RNF34: variants seen among roughly 807,000 people sequenced by gnomAD.
RNF34 encodes the protein ring finger protein 34.
A neutral mutation model predicts 37.9 loss-of-function variants in RNF34; 12 were observed. The ratio of observed to expected loss-of-function variants is 0.32; its 90% CI spans 0.20 to 0.51. The LOEUF is 0.51. Among genes scored for constraint, RNF34 ranks in the 20% least tolerant of loss-of-function variants. RNF34 has a pLI of 0.97. For missense variants in RNF34, 362 were observed against 472.7 expected (o/e 0.77, Z 2.17); for synonymous variants, 155 against 177.2 (o/e 0.87, Z 1.00).
In RNF34 at chr12:121,420,782, G is replaced by A. The variant is rs1555283235; in HGVS notation, c.928+4G>A. ...AATGAAGAAAACCAAAAGTCCTGTAGGTTTATCTTTTCATTTTTTCCCTGT... is the reference window on the plus strand; with the variant it reads ...AATGAAGAAAACCAAAAGTCCTGTAAGTTTATCTTTTCATTTTTTCCCTGT... On this transcript the variant is annotated splice_donor_region_variant and intron_variant, in intron 5 of 5. Coordinates refer to ENST00000361234, the MANE Select transcript of RNF34 (RefSeq NM_025126.4). 1.2e-6 allele frequency: 2 copies of A among 1,605,226 alleles called. No homozygotes were observed. Among genetic ancestry groups the A allele is most frequent in the East Asian group, 2.2e-5 (1 of 44,856 alleles).
In RNF34 at chr12:121,420,277, T is replaced by A. The variant is rs1593676198; in HGVS notation, c.669T>A (p.Asp223Glu). Residue 223 changes from aspartate (D) to glutamate (E), a missense_variant, in exon 4 of 6, where the codon GAT (aspartate) becomes GAA (glutamate). Coordinates refer to ENST00000361234, the MANE Select transcript of RNF34 (RefSeq NM_025126.4). ...AAATCACTTCAGCAAACACAGAAGA[T>A]GATGATGACGACGATGATGAGGATG... ...QSEITSANTEDDDDDDDEDDD... is the reference protein window; with the variant it reads ...QSEITSANTEEDDDDDDEDDD... 2 of 1,582,396 alleles carry A rather than the reference T, an allele frequency of 1.3e-6. No homozygotes were observed. The highest frequency in any genetic ancestry group is 1.7e-6 in the Non-Finnish European group (2 of 1,171,786).
chr12:121,422,169 T>G (rs925785477), intron 5 of RNF34, among the ~76,000 whole-genome samples: 3 of 152,234 alleles, frequency 2.0e-5, no homozygotes, highest in Admixed American at 6.5e-5. Flanking sequence ...ATAACATGGT[T>G]GTTATTATGA....
At position 121,423,144 on chromosome 12, in the gene RNF34, T is replaced by C. The variant is rs1338791442; in HGVS notation, c.929-242T>C. On this transcript the variant is annotated intron_variant, in intron 5 of 5. Coordinates refer to ENST00000361234, the MANE Select transcript of RNF34 (RefSeq NM_025126.4). This position sits in a 1 kb window ranked among gnomAD's most constrained non-coding sequence, Gnocchi z 4.3. ...ATAAAATAGAAATACATAGCTAACA[T>C]TTGTTGGGTACGTCAAGCATTTTAT... Among the ~76,000 whole-genome samples, 2 of 152,244 alleles carry C rather than the reference T, an allele frequency of 1.3e-5. No homozygotes were observed. Among genetic ancestry groups the C allele is most frequent in the Admixed American group, 6.5e-5 (1 of 15,286 alleles).
chr12:121,400,152 G>GA lies in RNF34; in HGVS notation c.-60dup. On this transcript the variant is annotated 5_prime_UTR_variant, in exon 1 of 6. Transcript: ENST00000361234. ...CCAGAGGGAAGGAGGTCGGCAGTGT[G>GA]AGGAGCTGCTATGGTGCTGAGTTTC... 1 of 1,589,260 alleles carries GA rather than the reference G, an allele frequency of 6.3e-7. No individual in the cohort carries two copies. The highest frequency in any genetic ancestry group is 8.5e-7 in the Non-Finnish European group (1 of 1,171,056).
rs928930106 is a variant in RNF34 at position 121,400,121 on chromosome 12, C to T, written c.-92C>T. ...CGGTCGCCTCCCGGGGCGCGGTAAT[C>T]ACCGCCCAGAGGGAAGGAGGTCGGC... On this transcript the variant is annotated 5_prime_UTR_variant, in exon 1 of 6. Transcript: ENST00000361234. 6.4e-6 allele frequency: 9 copies of T among 1,405,550 alleles called. No homozygotes were observed. The highest frequency in any genetic ancestry group is 8.7e-6 in the Non-Finnish European group (9 of 1,035,240). The allele number at this position is 1,405,550 out of a possible 1,614,324, so 87.1% of individuals were successfully genotyped here. A position where few individuals can be genotyped will look rare whatever the true frequency, so the allele number is the denominator to read the frequency against.
intron 1 of RNF34, among the ~76,000 whole-genome samples, chr12:121,406,578 C>T (rs1038990906): frequency 1.1e-4 from 16 of 152,258 alleles, no homozygotes; most frequent in African/African-American, 3.4e-4. Flanking sequence ...TGAGCCACCG[C>T]GCCGGGCTGG....
chr12:121,401,658 T>G (rs1870009058), intron 1 of RNF34, among the ~76,000 whole-genome samples: 1 of 152,178 alleles, frequency 6.6e-6, no homozygotes, highest in South Asian at 2.1e-4. Flanking sequence ...AGTATCTTTA[T>G]TAATATTAAA....
chr12:121,409,055 C>G (rs1267192552), intron 1 of RNF34, among the ~76,000 whole-genome samples: 1 of 152,042 alleles, frequency 6.6e-6, no homozygotes, highest in Non-Finnish European at 1.5e-5. Context: ...TATCTGCTCA[C>G]TGCAACCTCC....
rs3751134 is a variant in RNF34, at chr12:121,420,409, G to A, written c.726+75G>A. 8 of 1,552,154 alleles carry A rather than the reference G, an allele frequency of 5.2e-6. No individual in the cohort carries two copies. The African/African-American group carries it at 5.5e-5, about 11-fold the overall frequency. ...AAGGGACAGTGCCCTGTGGACATTC[G>A]CTAGATTAGTACAGGATGTTTCTTC... On this transcript the variant is annotated intron_variant, in intron 4 of 5. Transcript: ENST00000361234.
intron 1 of RNF34, among the ~76,000 whole-genome samples, chr12:121,403,944 AT>A (rs1330057576): frequency 7.3e-5 from 11 of 151,168 alleles, no homozygotes; most frequent in Non-Finnish European, 1.0e-4. Flanking sequence ...AGAAGAGTCT[AT>A]GGCATTATTA....
chr12:121,406,228 G>A (rs1420355408), intron 1 of RNF34, among the ~76,000 whole-genome samples: 1 of 151,844 alleles, frequency 6.6e-6, no homozygotes, highest in Non-Finnish European at 1.5e-5. Flanking sequence ...ATATCTAGGT[G>A]TCTGAGGCAG....
At chr12:121,404,808 A>G (rs1402857003) in intron 1 of RNF34, 3 of 152,186 alleles carry the variant, frequency 2.0e-5, no homozygotes, top group African/African-American at 7.2e-5. Flanking sequence ...AAATTTGTGA[A>G]TTCTTTAAAT....
intron 1 of RNF34, among the ~76,000 whole-genome samples, chr12:121,415,869 T>C (rs1189782419): frequency 7.1e-6 from 1 of 140,968 alleles, no homozygotes; most frequent in East Asian, 2.1e-4. Flanking sequence ...TTTACATGCC[T>C]GTGTACATGT....
intron 3 of RNF34, among the ~76,000 whole-genome samples, chr12:121,418,955 C>T (rs1555282758): frequency 6.6e-6 from 1 of 152,130 alleles, no homozygotes. Flanking sequence ...TATCTACCTG[C>T]CTTGGCCTAA....
rs1555283159 is a variant in RNF34, at chr12:121,420,599, G to C, written c.749G>C (p.Arg250Thr). The C allele has an allele frequency of 6.2e-6, 10 of 1,614,058 alleles. No homozygotes were observed. Among genetic ancestry groups the C allele is most frequent in the Non-Finnish European group, 8.5e-6 (10 of 1,180,016 alleles). ...CAGAACCCCGGGCTCTCCAAGGAGA[G>C]AGTGAGAGCTTCACTGTCTGACTTG... ...EDRNPGLSKE[R>T]VRASLSDLSS... is the part of the protein sequence containing the mutation. Residue 250 changes from arginine (R) to threonine (T), a missense_variant, in exon 5 of 6, where the codon AGA (arginine) becomes ACA (threonine). Transcript: ENST00000361234.
At chr12:121,402,689 GGA>G in intron 1 of RNF34, 2 of 1,164,400 alleles carry the variant, frequency 1.7e-6, no homozygotes, top group South Asian at 2.8e-5. Flanking sequence ...GAGATATCAA[GGA>G]GAAAGTAATC....
At chr12:121,406,351 G>C (rs879994150) in intron 1 of RNF34, among the ~76,000 whole-genome samples, 1 of 151,016 alleles carries the variant, frequency 6.6e-6, no homozygotes, top group Non-Finnish European at 1.5e-5. Flanking sequence ...GCAGTGGCGT[G>C]ATCTCAGCTC....
At chr12:121,412,639 A>G (rs1555281492) in intron 1 of RNF34, among the ~76,000 whole-genome samples, 1 of 151,974 alleles carries the variant, frequency 6.6e-6, no homozygotes, top group African/African-American at 2.4e-5. Context: ...TTGGCCTCCC[A>G]AAGTGATGAG....
At chr12:121,419,075 C>T (rs1172186290) in intron 3 of RNF34, among the ~76,000 whole-genome samples, 1 of 152,094 alleles carries the variant, frequency 6.6e-6, no homozygotes, top group Non-Finnish European at 1.5e-5. Context: ...TAGATATAGT[C>T]CTGTGTCCTC....
Sources: allele counts gnomAD v4.1 joint callset (sites outside exome capture counted in the v4.1 genomes callset), GRCh38; gene constraint gnomAD v4.1.1; non-coding constraint Gnocchi (gnomAD v3.1); transcripts MANE v1.5; gene names NCBI Gene and HGNC (gene_info 2026-07-23, HGNC 2026-07-21).